The following CLOCK variants were observed in gnomAD, a reference collection of about 807,000 sequenced individuals.
CLOCK encodes the protein circadian locomoter output cycles protein kaput.
In CLOCK, 43 loss-of-function variants were observed where a neutral mutation model predicts 118.4. The ratio of observed to expected loss-of-function variants is 0.36; its 90% CI spans 0.28 to 0.47. The LOEUF is 0.47. CLOCK is among the 20% of genes least tolerant of loss of function. The pLI is 1.00. For synonymous variants in CLOCK, 326 were observed against 339.2 expected (o/e 0.96, Z 0.43); for missense variants, 846 against 999.9 (o/e 0.85, Z 2.08).
At chr4:55,521,665 A>G (rs1729854220) in intron 1 of CLOCK, among the ~76,000 whole-genome samples, 1 of 152,246 alleles carries the variant, frequency 6.6e-6, no homozygotes, top group Admixed American at 6.5e-5. Flanking sequence ...AAGGAAAGAA[A>G]TGGGCCTCAG....
At chr4:55,471,260 T>G (rs1459517782) in intron 7 of CLOCK, among the ~76,000 whole-genome samples, 1 of 152,102 alleles carries the variant, frequency 6.6e-6, no homozygotes, top group East Asian at 1.9e-4. Context: ...AAGAATAAAA[T>G]AAAAGGGAGT....
At position 55,453,133 on chromosome 4, in the gene CLOCK, C is replaced by A. The variant is rs1485686183; in HGVS notation, c.1131-4G>T. The A allele has an allele frequency of 6.2e-7, 1 of 1,611,408 alleles. No individual in the cohort carries two copies. The highest frequency in any genetic ancestry group is 8.5e-7 in the Non-Finnish European group (1 of 1,177,914). ...TTCAGCCCTAACTTCTGCATAACTA[C>A]AAATGGAAAAAATAATCAAATTTTA... On this transcript the variant is annotated splice_polypyrimidine_tract_variant and splice_region_variant and intron_variant, in intron 14 of 22. Transcript: ENST00000513440.
intron 1 of CLOCK, among the ~76,000 whole-genome samples, chr4:55,536,468 G>C (rs890194088): frequency 1.3e-5 from 2 of 152,126 alleles, no homozygotes; most frequent in African/African-American, 4.8e-5. Flanking sequence ...TCGGTAATAA[G>C]TGAGTTCACA....
chr4:55,504,732 CTG>C (rs1265875809), intron 2 of CLOCK, among the ~76,000 whole-genome samples: 1 of 152,100 alleles, frequency 6.6e-6, no homozygotes. Flanking sequence ...ATTAAAATAA[CTG>C]AGATAATCAG....
At chr4:55,494,589 T>C (rs1431130168) in intron 2 of CLOCK, among the ~76,000 whole-genome samples, 1 of 151,746 alleles carries the variant, frequency 6.6e-6, no homozygotes, top group African/African-American at 2.4e-5. Context: ...GGAGGGGGGA[T>C]GAGGGATAAA....
intron 2 of CLOCK, among the ~76,000 whole-genome samples, chr4:55,503,455 G>C (rs924626866): frequency 6.6e-6 from 1 of 152,060 alleles, no homozygotes; most frequent in African/African-American, 2.4e-5. Flanking sequence ...ACTGTTAAGG[G>C]GCATGAAGGA....
intron 18 of CLOCK, among the ~76,000 whole-genome samples, chr4:55,447,470 T>TA (rs1209301112): frequency 6.6e-6 from 1 of 152,218 alleles, no homozygotes; most frequent in African/African-American, 2.4e-5. Context: ...ATATAGCACT[T>TA]AAAGGATTTC....
chr4:55,505,613 G>A (rs1226055547), intron 2 of CLOCK, among the ~76,000 whole-genome samples: 2 of 152,058 alleles, frequency 1.3e-5, no homozygotes, highest in African/African-American at 4.8e-5. Context: ...GCAATGAGCT[G>A]TGACTGCACC....
At chr4:55,488,922 G>A (rs1727486369) in intron 3 of CLOCK, among the ~76,000 whole-genome samples, 1 of 151,956 alleles carries the variant, frequency 6.6e-6, no homozygotes, top group Admixed American at 6.6e-5. Flanking sequence ...TGGTGGAGAT[G>A]GGGTCTCACT....
In CLOCK at chr4:55,442,427, A is replaced by C. The variant is rs763022112; in HGVS notation, c.2105+5T>G. 89 of 1,607,864 alleles carry C rather than the reference A, an allele frequency of 5.5e-5. No individual in the cohort carries two copies. Among genetic ancestry groups the C allele is most frequent in the Non-Finnish European group, 7.1e-5 (84 of 1,176,420 alleles). On this transcript the variant is annotated splice_donor_5th_base_variant and intron_variant, in intron 21 of 22. Coordinates refer to ENST00000513440, the MANE Select transcript of CLOCK (RefSeq NM_004898.4). ...TAAAAATAACAAATGAAATATGACA[A>C]CTACCTTATCTGCCTGTCCTGAGTG... is the stretch of plus-strand genomic sequence containing the variant.
rs1726033492 is a variant in CLOCK, at chr4:55,470,189, G to GC, written c.438+527dup. Reference sequence around the variant, plus strand: ...TCACTCACTCACTGACTCACCCAAAGCAACTTCCAGTCCTGCAAGTTTCAT... The same window carrying GC: ...TCACTCACTCACTGACTCACCCAAAGCCAACTTCCAGTCCTGCAAGTTTCAT... On this transcript the variant is annotated intron_variant, in intron 8 of 22. Transcript: ENST00000513440. Among the ~76,000 whole-genome samples, 3 of 152,216 alleles carry GC rather than the reference G, an allele frequency of 2.0e-5. No homozygotes were observed. In the South Asian group the frequency reaches 6.2e-4, roughly 32 times the overall value.
Position 55,463,726 on chromosome 4 carries a change from T to C in CLOCK, c.518A>G (p.His173Arg). ...HSEVYKILST[H>R]LLESDSLTPE... ...GGTTAATGAATCACTTTCCAGCAGA[T>C]GAGTAGAGAGTATTTTATAAACCTC... Residue 173 changes from histidine (H) to arginine (R), a missense_variant, in exon 9 of 23, where the codon CAT becomes CGT. Coordinates refer to ENST00000513440, the MANE Select transcript of CLOCK (RefSeq NM_004898.4). The C allele has an allele frequency of 6.2e-7, 1 of 1,612,966 alleles. No homozygotes were observed.
At chr4:55,495,230 C>T (rs568887091) in intron 2 of CLOCK, among the ~76,000 whole-genome samples, 4 of 152,214 alleles carry the variant, frequency 2.6e-5, no homozygotes, top group Non-Finnish European at 4.4e-5. Context: ...CCCCAATTCC[C>T]GAAATCCTTT....
intron 9 of CLOCK, among the ~76,000 whole-genome samples, chr4:55,462,722 T>C (rs1278667917): frequency 2.0e-5 from 3 of 152,230 alleles, no homozygotes; most frequent in African/African-American, 2.4e-5. Context: ...AGTGGCCTAA[T>C]GGTCAATGTC....
intron 1 of CLOCK, among the ~76,000 whole-genome samples, chr4:55,515,671 C>A (rs942956624): frequency 2.6e-5 from 4 of 152,188 alleles, no homozygotes; most frequent in Non-Finnish European, 4.4e-5. Context: ...GCGCGAGCCA[C>A]CACGCCCAGC....
intron 1 of CLOCK, among the ~76,000 whole-genome samples, chr4:55,527,450 T>C (rs1730281123): frequency 6.6e-6 from 1 of 152,198 alleles, no homozygotes; most frequent in Admixed American, 6.5e-5. Context: ...AACACATAGC[T>C]TGCCCATATA....
intron 1 of CLOCK, among the ~76,000 whole-genome samples, chr4:55,520,911 T>TA (rs1230114707): frequency 6.6e-6 from 1 of 152,210 alleles, no homozygotes; most frequent in African/African-American, 2.4e-5. Context: ...TTGCTCCCTA[T>TA]AACAACTCCT....
rs1211434583 is a variant in CLOCK at position 55,432,451 on chromosome 4, G to A, written c.*2964C>T. The A allele has an allele frequency of 6.8e-6, 1 of 147,142 alleles. No homozygotes were observed. The highest frequency in any genetic ancestry group is 1.5e-5 in the Non-Finnish European group (1 of 66,706). The allele number at this position is 147,142 out of a possible 1,614,324, so 9.1% of individuals were successfully genotyped here. A position where few individuals can be genotyped will look rare whatever the true frequency, so the allele number is the denominator to read the frequency against. On this transcript the variant is annotated 3_prime_UTR_variant, in exon 23 of 23. Coordinates refer to ENST00000513440, the MANE Select transcript of CLOCK (RefSeq NM_004898.4). ...ACCCAGAATAAGTGTTTTTAAGAAA[G>A]TGAGAATAAAGCAGAGGGAAGACTT...
chr4:55,507,892 T>G (rs1159081853), intron 2 of CLOCK, among the ~76,000 whole-genome samples: 1 of 152,202 alleles, frequency 6.6e-6, no homozygotes, highest in Non-Finnish European at 1.5e-5. Flanking sequence ...AACCCACTCT[T>G]AGGAAACTGG....
Sources: allele counts gnomAD v4.1 joint callset (sites outside exome capture counted in the v4.1 genomes callset), GRCh38; gene constraint gnomAD v4.1.1; transcripts MANE v1.5; gene names NCBI Gene and HGNC (gene_info 2026-07-23, HGNC 2026-07-21).